Variants in FRYL observed in about 807,000 individuals in gnomAD.
FRYL encodes the protein FRY like transcription coactivator.
FRYL carries 150 observed loss-of-function variants against 351.2 expected under a neutral mutation model. The ratio of observed to expected loss-of-function variants is 0.43; its 90% CI spans 0.37 to 0.49. The LOEUF is 0.49. Among genes scored for constraint, FRYL ranks in the 20% least tolerant of loss-of-function variants. The probability of loss-of-function intolerance (pLI) is 0.00; values close to 1 mark genes in which losing one functional copy is unlikely to be tolerated. For missense variants in FRYL, 3,036 were observed against 3,619.3 expected (o/e 0.84, Z 4.13); for synonymous variants, 1,153 against 1,257.1 (o/e 0.92, Z 1.75).
At chr4:48,741,940 T>C (rs183846563) in intron 1 of FRYL, among the ~76,000 whole-genome samples, 2 of 152,330 alleles carry the variant, frequency 1.3e-5, no homozygotes, top group Admixed American at 6.5e-5. Context: ...TAATAGTGGA[T>C]ACATGTCATT....
intron 40 of FRYL, among the ~76,000 whole-genome samples, chr4:48,548,370 CCAATCCCAG>C (rs1364071549): frequency 1.3e-5 from 2 of 152,132 alleles, no homozygotes; most frequent in African/African-American, 4.8e-5. Flanking sequence ...CTGAAAGTTT[CCAATCCCAG>C]AGTTAAGTTA....
At chr4:48,529,697 T>G (rs1727104517) in intron 50 of FRYL, among the ~76,000 whole-genome samples, 1 of 152,212 alleles carries the variant, frequency 6.6e-6, no homozygotes, top group Admixed American at 6.5e-5. Flanking sequence ...TTTTAATCTT[T>G]CTCAACCTTA....
chr4:48,683,784 T>C (rs1764901869), intron 3 of FRYL, among the ~76,000 whole-genome samples: 1 of 152,226 alleles, frequency 6.6e-6, no homozygotes, highest in South Asian at 2.1e-4. Flanking sequence ...AATCAGTCTA[T>C]TCCCCACAAA....
chr4:48,576,077 CAGG>C lies in FRYL; in HGVS notation c.2671_2673del (p.Pro891del), dbSNP rs747303830. ...CTATCTGGGGTAGACGCCAGCGTCTCAGGAGGAGAACATCTCACAGAACCTGCA... is the reference window on the plus strand; with the variant it reads ...CTATCTGGGGTAGACGCCAGCGTCTCAGGAGAACATCTCACAGAACCTGCA... On this transcript the variant is annotated inframe_deletion, in exon 24 of 64. Transcript: ENST00000358350. 9.3e-6 allele frequency: 15 copies of C among 1,613,550 alleles called. No individual in the cohort carries two copies. The highest frequency in any genetic ancestry group is 1.3e-5 in the African/African-American group (1 of 74,874).
intron 1 of FRYL, among the ~76,000 whole-genome samples, chr4:48,764,187 T>C (rs1489266568): frequency 6.6e-6 from 1 of 151,676 alleles, no homozygotes; most frequent in Non-Finnish European, 1.5e-5. Flanking sequence ...AATAAATAAA[T>C]AAATAAATTA....
At chr4:48,645,660 T>C (rs2149409929) in intron 3 of FRYL, among the ~76,000 whole-genome samples, 1 of 152,312 alleles carries the variant, frequency 6.6e-6, no homozygotes, top group East Asian at 1.9e-4. Flanking sequence ...CAGGTATGTG[T>C]ATGTTTTTGA....
At chr4:48,704,093 A>C (rs1225459764) in intron 2 of FRYL, among the ~76,000 whole-genome samples, 5 of 152,176 alleles carry the variant, frequency 3.3e-5, no homozygotes, top group Admixed American at 3.3e-4. Flanking sequence ...AATAAATGTA[A>C]CATTAATGAA....
At chr4:48,603,439 A>G (rs761714386) in intron 11 of FRYL, 51 bp from the exon 12 acceptor site, 20 of 1,168,494 alleles carry the variant, frequency 1.7e-5, no homozygotes, top group Non-Finnish European at 1.9e-5. Context: ...GTTAGATTAA[A>G]CTATACAAAG....
chr4:48,514,916 TGAAACACACAAA>T, intron 56 of FRYL, 100 bp downstream of exon 56: 1 of 933,272 alleles, frequency 1.1e-6, no homozygotes, highest in Non-Finnish European at 1.6e-6. Flanking sequence ...GATTACAGAC[TGAAACACACAAA>T]GAAATGAAAG....
chr4:48,632,100 A>ATATATATATATATATG (rs1553957586), intron 4 of FRYL, among the ~76,000 whole-genome samples: 109 of 29,220 alleles, frequency 3.7e-3, no homozygotes, highest in Admixed American at 7.6e-3. Flanking sequence ...AAATATATAT[A>ATATATATATATATATG]TATATATATA....
chr4:48,622,544 T>C (rs943600678), intron 5 of FRYL, among the ~76,000 whole-genome samples: 1 of 152,182 alleles, frequency 6.6e-6, no homozygotes, highest in African/African-American at 2.4e-5. Context: ...TTTAGTCAAT[T>C]AGCCTGATAT....
intron 49 of FRYL, 135 bp from the exon 50 acceptor site, chr4:48,531,488 G>A: frequency 1.6e-6 from 1 of 638,944 alleles, no homozygotes; most frequent in African/African-American, 1.8e-5. Flanking sequence ...GATCCTTAAT[G>A]AAAGGTTTGA....
At chr4:48,771,868 T>C (rs1343159023) in intron 1 of FRYL, among the ~76,000 whole-genome samples, 4 of 152,318 alleles carry the variant, frequency 2.6e-5, no homozygotes, top group Admixed American at 6.5e-5. Flanking sequence ...AAGAGGAGAC[T>C]ACTATGGGCA....
intron 56 of FRYL, among the ~76,000 whole-genome samples, chr4:48,514,091 AT>A (rs1460974509): frequency 3.3e-5 from 5 of 152,220 alleles, no homozygotes; most frequent in African/African-American, 9.6e-5. Flanking sequence ...GTAAAAAAAA[AT>A]CTCCAATGTG....
rs541716422 is a variant in FRYL, at chr4:48,709,954, G to T, written c.-204+565C>A. Among the ~76,000 whole-genome samples, 11 of 152,204 alleles carry T rather than the reference G, an allele frequency of 7.2e-5. No individual in the cohort carries two copies. The East Asian group carries it at 9.6e-4, about 13-fold the overall frequency. On this transcript the variant is annotated intron_variant, in intron 2 of 63. Transcript: ENST00000358350. ...CCTATTTTAATCATTTTCTTTTAAA[G>T]GTCTCCCATTTCTGCTCAATTTTAC...
At chr4:48,666,704 T>C (rs1483305619) in intron 3 of FRYL, among the ~76,000 whole-genome samples, 2 of 152,098 alleles carry the variant, frequency 1.3e-5, no homozygotes, top group Non-Finnish European at 2.9e-5. Flanking sequence ...GCCTAAGAAA[T>C]AATAAAGAGA....
Position 48,773,818 on chromosome 4 carries a change from G to A in FRYL, c.-384+6260C>T, listed in dbSNP as rs555587095. Among the ~76,000 whole-genome samples, 13 of 152,274 alleles carry A rather than the reference G, an allele frequency of 8.5e-5. No homozygotes were observed. In the South Asian group the frequency reaches 2.5e-3, roughly 29 times the overall value. On this transcript the variant is annotated intron_variant, in intron 1 of 63. Transcript: ENST00000358350. ...TGTGGTTCCAGCTACTCACGGGGCT[G>A]AGGTGAGAGGATCACTTGAGCCCAG... is the stretch of plus-strand genomic sequence containing the variant.
intron 62 of FRYL, 100 bp downstream of exon 62, chr4:48,501,523 C>G: frequency 1.4e-6 from 1 of 725,078 alleles, no homozygotes; most frequent in Non-Finnish European, 2.4e-6. Context: ...AAGACTCACT[C>G]TAAGTGACTT....
At chr4:48,501,983 G>GT (rs1181332053) in intron 61 of FRYL, among the ~76,000 whole-genome samples, 3 of 152,170 alleles carry the variant, frequency 2.0e-5, no homozygotes, top group African/African-American at 7.2e-5. Flanking sequence ...CAAATAGACT[G>GT]TTTCAGCAGG....
Sources: gnomAD v4.1 joint callset for allele counts (sites outside exome capture counted in the v4.1 genomes callset) on GRCh38, gnomAD v4.1.1 for gene constraint, MANE v1.5 for transcripts, NCBI Gene and HGNC (gene_info 2026-07-23, HGNC 2026-07-21) for gene names.